CHCHD6: variants seen among roughly 807,000 people sequenced by gnomAD.
CHCHD6 encodes coiled-coil-helix-coiled-coil-helix domain containing 6, also known as MICOS complex subunit MIC25.
A neutral mutation model predicts 32.3 loss-of-function variants in CHCHD6; 28 were observed. The observed-to-expected ratio is 0.87, with a 90% CI of 0.64 to 1.19. CHCHD6 has a LOEUF of 1.19. Among genes scored for constraint, CHCHD6 ranks in the 50% most tolerant of loss-of-function variants. CHCHD6 has a pLI of 0.00. For missense variants in CHCHD6, 333 were observed against 307.0 expected (o/e 1.08, Z -0.63); for synonymous variants, 122 against 117.5 (o/e 1.04, Z -0.25).
At chr3:126,839,610 C>A (rs912763554) in intron 4 of CHCHD6, among the ~76,000 whole-genome samples, 1 of 152,068 alleles carries the variant, frequency 6.6e-6, no homozygotes, top group African/African-American at 2.4e-5. Flanking sequence ...ATCAGTCAGT[C>A]TTCTCCTGTT....
intron 6 of CHCHD6, among the ~76,000 whole-genome samples, chr3:126,920,329 CTTTT>C: frequency 6.7e-6 from 1 of 149,016 alleles, no homozygotes; most frequent in South Asian, 2.1e-4. Context: ...CTTCTGTTGC[CTTTT>C]TTTTTCTTGG....
At chr3:126,794,400 T>A (rs554368079) in intron 4 of CHCHD6, among the ~76,000 whole-genome samples, 6 of 148,292 alleles carry the variant, frequency 4.0e-5, no homozygotes, top group African/African-American at 1.5e-4. Flanking sequence ...CTATCATTTT[T>A]AAAAGTATAG....
chr3:126,935,477 T>C (rs372590452), intron 6 of CHCHD6, among the ~76,000 whole-genome samples: 2 of 152,178 alleles, frequency 1.3e-5, no homozygotes, highest in African/African-American at 4.8e-5. Flanking sequence ...CAGCATTGCA[T>C]GGTTGAAGCA....
intron 6 of CHCHD6, among the ~76,000 whole-genome samples, chr3:126,923,255 T>G (rs567788268): frequency 5.4e-4 from 82 of 152,268 alleles, no homozygotes; most frequent in Non-Finnish European, 1.0e-3. Context: ...TTAAGCTGTT[T>G]GTCTTTTTAT....
intron 5 of CHCHD6, among the ~76,000 whole-genome samples, chr3:126,911,335 G>T (rs2078087694): frequency 6.6e-6 from 1 of 152,210 alleles, no homozygotes; most frequent in Non-Finnish European, 1.5e-5. Context: ...GTGATTGGTT[G>T]AGGAGTCCAC....
At chr3:126,934,494 G>A (rs899945601) in intron 6 of CHCHD6, among the ~76,000 whole-genome samples, 1 of 147,384 alleles carries the variant, frequency 6.8e-6, no homozygotes, top group Non-Finnish European at 1.5e-5. Context: ...TCCACGGGAC[G>A]TCAGGGCTGG....
intron 4 of CHCHD6, among the ~76,000 whole-genome samples, chr3:126,800,471 T>C (rs1259397719): frequency 2.0e-5 from 3 of 152,046 alleles, no homozygotes; most frequent in Non-Finnish European, 4.4e-5. Flanking sequence ...CCCAAAGAGC[T>C]CCAGAATTGG....
chr3:126,758,466 G>A (rs1274917341), intron 4 of CHCHD6, among the ~76,000 whole-genome samples: 11 of 152,190 alleles, frequency 7.2e-5, no homozygotes, highest in Non-Finnish European at 1.0e-4. Context: ...AGGTAGACAC[G>A]GTAGAGGATG....
At chr3:126,927,816 G>A (rs1474571396) in intron 6 of CHCHD6, among the ~76,000 whole-genome samples, 1 of 152,130 alleles carries the variant, frequency 6.6e-6, no homozygotes, top group Admixed American at 6.6e-5. Flanking sequence ...TAGCATCATT[G>A]CTGTTAGATT....
intron 5 of CHCHD6, among the ~76,000 whole-genome samples, chr3:126,869,951 T>C (rs2077442957): frequency 6.6e-6 from 1 of 152,222 alleles, no homozygotes. Context: ...TCTCCCCTGT[T>C]AGAAGGCACT....
intron 6 of CHCHD6, among the ~76,000 whole-genome samples, chr3:126,919,236 T>C (rs1235452440): frequency 2.6e-5 from 4 of 152,152 alleles, no homozygotes; most frequent in Non-Finnish European, 5.9e-5. Context: ...AAATTTTCTG[T>C]ATTTTTAATG....
intron 4 of CHCHD6, among the ~76,000 whole-genome samples, chr3:126,747,950 C>G (rs1398881170): frequency 6.6e-6 from 1 of 152,132 alleles, no homozygotes; most frequent in Non-Finnish European, 1.5e-5. Flanking sequence ...CCTTGCCGTC[C>G]TCTTGCTGCG....
At chr3:126,902,713 T>C in intron 5 of CHCHD6, among the ~76,000 whole-genome samples, 1 of 127,302 alleles carries the variant, frequency 7.9e-6, no homozygotes. Context: ...CAAGACTCCA[T>C]CTCAAAAAAA....
intron 4 of CHCHD6, among the ~76,000 whole-genome samples, chr3:126,755,675 A>T (rs1428872919): frequency 1.3e-5 from 2 of 152,258 alleles, no homozygotes; most frequent in Non-Finnish European, 2.9e-5. Context: ...GTCTAAAAAA[A>T]GATACCAGTA....
At chr3:126,791,008 A>G (rs1356256637) in intron 4 of CHCHD6, among the ~76,000 whole-genome samples, 1 of 151,980 alleles carries the variant, frequency 6.6e-6, no homozygotes, top group Non-Finnish European at 1.5e-5. Context: ...TTTGGTGTGG[A>G]TGTCCTTTCT....
chr3:126,875,003 G>T (rs2077521768), intron 5 of CHCHD6, among the ~76,000 whole-genome samples: 1 of 152,166 alleles, frequency 6.6e-6, no homozygotes, highest in Non-Finnish European at 1.5e-5. Context: ...TATTAAATGT[G>T]TTCTCTCTAC....
At chr3:126,822,869 T>G (rs1342710035) in intron 4 of CHCHD6, among the ~76,000 whole-genome samples, 1 of 152,176 alleles carries the variant, frequency 6.6e-6, no homozygotes, top group Non-Finnish European at 1.5e-5. Flanking sequence ...TTATTGTAGC[T>G]TTATGGTAGT....
intron 7 of CHCHD6, 73 bp downstream of exon 7, chr3:126,957,624 A>C: frequency 6.7e-7 from 1 of 1,498,742 alleles, no homozygotes; most frequent in Non-Finnish European, 9.0e-7. Context: ...CTAGCATTGG[A>C]GATCTCTGCC....
At chr3:126,812,458 T>C (rs1463242580) in intron 4 of CHCHD6, among the ~76,000 whole-genome samples, 1 of 151,938 alleles carries the variant, frequency 6.6e-6, no homozygotes, top group Non-Finnish European at 1.5e-5. Context: ...TTTTCCACTC[T>C]TGTTGCCACG....
Sources: allele counts gnomAD v4.1 joint callset (sites outside exome capture counted in the v4.1 genomes callset), GRCh38; gene constraint gnomAD v4.1.1; transcripts MANE v1.5; gene names NCBI Gene and HGNC (gene_info 2026-07-23, HGNC 2026-07-21).